The following PDZD2 variants were observed in gnomAD, a reference collection of about 807,000 sequenced individuals.
PDZD2 encodes PDZ domain-containing protein 2.
PDZD2 carries 90 observed loss-of-function variants against 220.7 expected under a neutral mutation model. The observed-to-expected ratio is 0.41, with a 90% confidence interval of 0.34 to 0.49. PDZD2 has a LOEUF of 0.49. Ranked by LOEUF, PDZD2 falls within the 20% of genes least tolerant of loss-of-function variation. The pLI is 0.28. For synonymous variants in PDZD2, 1,375 were observed against 1,450.5 expected, an observed-to-expected ratio of 0.95 and a Z score of 1.18; for missense variants, 3,174 against 3,608.5, an observed-to-expected ratio of 0.88 and a Z score of 3.08.
chr5:31,717,647 C>A (rs1748532263), intron 1 of PDZD2, among the ~76,000 whole-genome samples: 1 of 152,186 alleles, frequency 6.6e-6, no homozygotes. Context: ...ATGAGAGATG[C>A]CATGTGGCTG....
intron 3 of PDZD2, among the ~76,000 whole-genome samples, chr5:31,985,672 C>T (rs549729669): frequency 4.1e-4 from 63 of 152,084 alleles, no homozygotes; most frequent in Non-Finnish European, 7.4e-5. Flanking sequence ...TCATCCTGGT[C>T]AACAGAGTGA....
chr5:32,079,534 C>T (rs913682388), intron 19 of PDZD2, among the ~76,000 whole-genome samples: 2 of 151,778 alleles, frequency 1.3e-5, no homozygotes, highest in East Asian at 3.9e-4. Context: ...GGGCCGGGTG[C>T]CGTGGCTCAC....
chr5:31,889,125 A>G (rs540141034), intron 2 of PDZD2, among the ~76,000 whole-genome samples: 3 of 152,314 alleles, frequency 2.0e-5, no homozygotes, highest in South Asian at 4.1e-4. Flanking sequence ...TCTTAATGCT[A>G]TAAAGTTGCT....
chr5:32,039,635 G>A (rs903513384), intron 7 of PDZD2, among the ~76,000 whole-genome samples: 3 of 150,578 alleles, frequency 2.0e-5, no homozygotes, highest in African/African-American at 4.9e-5. Flanking sequence ...ACCTCTGCCC[G>A]GCCGCCAACC....
intron 19 of PDZD2, among the ~76,000 whole-genome samples, chr5:32,079,403 C>T (rs541442235): frequency 3.9e-5 from 6 of 152,034 alleles, no homozygotes; most frequent in South Asian, 2.1e-4. Flanking sequence ...GGCAGTCCTC[C>T]GCAACTGTCG....
intron 2 of PDZD2, among the ~76,000 whole-genome samples, chr5:31,901,045 C>T (rs1742048013): frequency 6.6e-6 from 1 of 152,162 alleles, no homozygotes; most frequent in Non-Finnish European, 1.5e-5. Flanking sequence ...GAGTTGGAGG[C>T]AAGAGCTGAC....
chr5:31,969,782 A>G (rs1284988311), intron 2 of PDZD2, among the ~76,000 whole-genome samples: 1 of 152,152 alleles, frequency 6.6e-6, no homozygotes, highest in Non-Finnish European at 1.5e-5. Context: ...CAGTAAAGTC[A>G]TCTTTTAAAG....
chr5:31,964,337 T>C (rs887301837), intron 2 of PDZD2, among the ~76,000 whole-genome samples: 1 of 152,238 alleles, frequency 6.6e-6, no homozygotes, highest in African/African-American at 2.4e-5. Context: ...GAGGGACTCA[T>C]CTCTGAAGTT....
intron 19 of PDZD2, among the ~76,000 whole-genome samples, chr5:32,078,557 G>A (rs967815750): frequency 2.6e-5 from 4 of 151,288 alleles, no homozygotes; most frequent in African/African-American, 9.7e-5. Context: ...GCTTGAACCC[G>A]GGAGGTGGAG....
chr5:31,944,549 T>C (rs1333282725), intron 2 of PDZD2, among the ~76,000 whole-genome samples: 2 of 152,224 alleles, frequency 1.3e-5, no homozygotes, highest in African/African-American at 2.4e-5. Flanking sequence ...TATTCCAACA[T>C]GTGGTTGTGA....
At chr5:31,946,756 A>G (rs544100737) in intron 2 of PDZD2, among the ~76,000 whole-genome samples, 1 of 152,220 alleles carries the variant, frequency 6.6e-6, no homozygotes, top group Non-Finnish European at 1.5e-5. Flanking sequence ...CACTGGTGCA[A>G]TGATAGCTCA....
intron 1 of PDZD2, among the ~76,000 whole-genome samples, chr5:31,791,544 C>T (rs1018781211): frequency 3.0e-5 from 4 of 134,106 alleles, no homozygotes; most frequent in Non-Finnish European, 4.6e-5. Flanking sequence ...GAGCCGAGAT[C>T]GTGCCATTGC....
chr5:31,689,449 C>T (rs1042430444), intron 1 of PDZD2, among the ~76,000 whole-genome samples: 1 of 148,714 alleles, frequency 6.7e-6, no homozygotes, highest in African/African-American at 2.5e-5. Flanking sequence ...CCCGCCTTGG[C>T]CTCCAAAGTG....
rs574854833 is a variant in PDZD2 at position 31,915,849 on chromosome 5, T to A, written c.477-67306T>A. Among the ~76,000 whole-genome samples, 57 of 152,344 alleles carry A rather than the reference T, an allele frequency of 3.7e-4. No homozygotes were observed. The South Asian group carries it at 0.012, about 32-fold the overall frequency. ...TGTCCATGGGGAAAAACTTCCTTTT[T>A]ACAGTGTACCTACAGAGCGGAGCTT... is the stretch of plus-strand genomic sequence containing the variant. On this transcript the variant is annotated intron_variant, in intron 2 of 24. Transcript: ENST00000438447.
intron 1 of PDZD2, among the ~76,000 whole-genome samples, chr5:31,766,260 T>G (rs1377145710): frequency 2.0e-5 from 3 of 152,210 alleles, no homozygotes; most frequent in Non-Finnish European, 2.9e-5. Flanking sequence ...CAAACAAAAG[T>G]ATTCCCTTTA....
At chr5:31,725,670 A>G in intron 1 of PDZD2, 2 of 1,019,620 alleles carry the variant, frequency 2.0e-6, no homozygotes, top group Admixed American at 3.4e-5. Flanking sequence ...CAGACTTGTA[A>G]TGTGCTTTGG....
chr5:31,841,362 T>G (rs1356185347), intron 2 of PDZD2, among the ~76,000 whole-genome samples: 1 of 152,130 alleles, frequency 6.6e-6, no homozygotes, highest in Non-Finnish European at 1.5e-5. Flanking sequence ...AGGCTTTCCC[T>G]AACTGTAAAA....
chr5:31,942,922 G>T, intron 2 of PDZD2, among the ~76,000 whole-genome samples: 1 of 152,314 alleles, frequency 6.6e-6, no homozygotes, highest in South Asian at 2.1e-4. Flanking sequence ...CAGAGACAAG[G>T]CCGGGCACGG....
chr5:31,658,395 T>C (rs956463800), intron 1 of PDZD2, among the ~76,000 whole-genome samples: 2 of 152,150 alleles, frequency 1.3e-5, no homozygotes, highest in African/African-American at 4.8e-5. Context: ...TGAGAAAATT[T>C]CCCTCCTTTT....
Sources: gnomAD v4.1 joint callset for allele counts (sites outside exome capture counted in the v4.1 genomes callset) on GRCh38, gnomAD v4.1.1 for gene constraint, MANE v1.5 for transcripts, NCBI Gene and HGNC (gene_info 2026-07-23, HGNC 2026-07-21) for gene names.